Variants in FGD4 observed in about 807,000 individuals in gnomAD.
The protein encoded by FGD4 is FYVE, RhoGEF and PH domain-containing protein 4.
FGD4 carries 42 observed loss-of-function variants against 102.0 expected under a neutral mutation model. That is an observed-to-expected ratio of 0.41 (90% CI 0.32 to 0.53). The LOEUF is 0.53. Among genes scored for constraint, FGD4 ranks in the 20% least tolerant of loss-of-function variants. The pLI, the probability that FGD4 is intolerant of heterozygous loss-of-function variation, is 0.21. For missense variants in FGD4, 902 were observed against 1,078.2 expected (o/e 0.84, Z 2.29); for synonymous variants, 380 against 375.7 (o/e 1.01, Z -0.13).
At chr12:32,408,062 C>T (rs1282307384) in intron 1 of FGD4, among the ~76,000 whole-genome samples, 2 of 151,706 alleles carry the variant, frequency 1.3e-5, no homozygotes, top group African/African-American at 4.8e-5. Context: ...TGCGATGGTG[C>T]CATCTTGGCT....
intron 11 of FGD4, among the ~76,000 whole-genome samples, chr12:32,620,998 C>T (rs547989733): frequency 4.6e-5 from 7 of 151,958 alleles, no homozygotes; most frequent in South Asian, 2.1e-4. Context: ...TCCATGAGAA[C>T]GACTGCAGTT....
intron 4 of FGD4, among the ~76,000 whole-genome samples, chr12:32,585,222 T>TTATATATATATATATATATATATA (rs140227421): frequency 5.3e-4 from 61 of 116,104 alleles, no homozygotes; most frequent in Admixed American, 8.8e-4. Context: ...CTCAAAAATT[T>TTATATATATATATATATATATATA]TATATATATA....
intron 1 of FGD4, among the ~76,000 whole-genome samples, chr12:32,541,443 T>G (rs1278000631): frequency 6.6e-6 from 1 of 152,200 alleles, no homozygotes; most frequent in Non-Finnish European, 1.5e-5. Flanking sequence ...CTCGGCTCAC[T>G]GCAACCTCTG....
At chr12:32,630,764 C>T (rs990764882) in intron 14 of FGD4, among the ~76,000 whole-genome samples, 33 of 150,694 alleles carry the variant, frequency 2.2e-4, no homozygotes, top group Admixed American at 8.6e-4. Context: ...TGCAGTGAGC[C>T]GAGATCGCGC....
At chr12:32,541,963 A>G (rs951663889) in intron 1 of FGD4, among the ~76,000 whole-genome samples, 25 of 72,348 alleles carry the variant, frequency 3.5e-4, no homozygotes, top group African/African-American at 1.6e-3. Context: ...TTCCTCAGGG[A>G]AAAAAAAAAA....
chr12:32,576,298 C>T lies in FGD4; in HGVS notation c.352C>T (p.Pro118Ser), dbSNP rs755380148. The T allele has an allele frequency of 5.0e-6, 8 of 1,610,654 alleles. No homozygotes were observed. Among genetic ancestry groups the T allele is most frequent in the Non-Finnish European group, 5.9e-6 (7 of 1,178,144 alleles). Residue 118 changes from proline to serine, a missense_variant, in exon 3 of 17, where the codon CCT becomes TCT. Pro to Ser is a moderately conservative substitution (Grantham distance 74, BLOSUM62 -1). This residue lies in a region of FGD4 where 443 missense variants were observed against 459.2 expected (regional missense o/e 0.96). Transcript: ENST00000534526. ...PPKPLHLQNS[P>S]SSNIHQTPRH... The stretch of plus-strand genomic sequence containing the variant: ...AAAGCCATTACACCTGCAGAATTCA[C>T]CTTCGTCCAATATACACCAAACCCC...
chr12:32,530,946 T>TG (rs1941739432), intron 1 of FGD4, among the ~76,000 whole-genome samples: 9 of 121,584 alleles, frequency 7.4e-5, no homozygotes, highest in African/African-American at 2.4e-4. Flanking sequence ...CTTTGGTTTT[T>TG]TTTTTTTTTT....
chr12:32,442,013 G>C (rs1591908483), intron 1 of FGD4, among the ~76,000 whole-genome samples: 2 of 151,726 alleles, frequency 1.3e-5, no homozygotes, highest in Non-Finnish European at 2.9e-5. Context: ...TGGGGGAAGG[G>C]TGGTGCTGGC....
intron 1 of FGD4, among the ~76,000 whole-genome samples, chr12:32,498,350 T>G (rs1937950952): frequency 6.6e-6 from 1 of 152,174 alleles, no homozygotes; most frequent in South Asian, 2.1e-4. Flanking sequence ...GGCATATTTT[T>G]GCAAAGTCGA....
intron 1 of FGD4, among the ~76,000 whole-genome samples, chr12:32,412,695 G>A (rs1178389552): frequency 2.6e-5 from 4 of 151,844 alleles, no homozygotes; most frequent in South Asian, 2.1e-4. Flanking sequence ...TGCAACCTCC[G>A]CCTCCTGGGT....
In FGD4 at chr12:32,642,986, C is replaced by G. The variant is rs1348983396; in HGVS notation, c.*2453C>G. The G allele has an allele frequency of 6.6e-6, 1 of 152,472 alleles. No individual in the cohort carries two copies. The highest frequency in any genetic ancestry group is 6.6e-5 in the Admixed American group (1 of 15,264). The allele number at this position is 152,472 out of a possible 1,614,324, so 9.4% of individuals were successfully genotyped here. A position where few individuals can be genotyped will look rare whatever the true frequency, so the allele number is the denominator to read the frequency against. ...CCTAAAAATATCATTGGTTGCTTTC[C>G]CATTAAAACCAACGTTCCCTGTGGG... On this transcript the variant is annotated 3_prime_UTR_variant, in exon 17 of 17. Transcript: ENST00000534526.
intron 1 of FGD4, among the ~76,000 whole-genome samples, chr12:32,561,075 GTTTTTTTTTTTT>G (rs1218919677): frequency 8.2e-5 from 7 of 85,182 alleles, no homozygotes; most frequent in Admixed American, 5.3e-4. Flanking sequence ...GTTGGGTTTT[GTTTTTTTTTTTT>G]TTTTTTTTTT....
At chr12:32,417,918 C>CT (rs1376391101) in intron 1 of FGD4, among the ~76,000 whole-genome samples, 2 of 99,796 alleles carry the variant, frequency 2.0e-5, no homozygotes, top group Non-Finnish European at 3.8e-5. Flanking sequence ...TCACATATCT[C>CT]TGTTTTTTTC....
At chr12:32,467,116 A>G (rs549502709) in intron 1 of FGD4, among the ~76,000 whole-genome samples, 2 of 152,314 alleles carry the variant, frequency 1.3e-5, no homozygotes, top group East Asian at 3.9e-4. Context: ...ATTGTGAAAC[A>G]GTTACAAATG....
At chr12:32,446,645 A>G (rs1942624414) in intron 1 of FGD4, among the ~76,000 whole-genome samples, 1 of 152,168 alleles carries the variant, frequency 6.6e-6, no homozygotes, top group South Asian at 2.1e-4. Context: ...AACAGGAAAC[A>G]AACTTCCTGC....
chr12:32,459,377 A>G (rs958019365), intron 1 of FGD4, among the ~76,000 whole-genome samples: 10 of 152,040 alleles, frequency 6.6e-5, no homozygotes, highest in South Asian at 6.2e-4. Context: ...TATTTTTAGT[A>G]GAGATGGGGT....
At position 32,603,937 on chromosome 12, in the gene FGD4, C is replaced by T. The variant is rs184430546; in HGVS notation, c.1404+1620C>T. 1.1e-4 allele frequency among the ~76,000 whole-genome samples: 17 copies of T among 152,300 alleles called. No homozygotes were observed. In the East Asian group the frequency reaches 2.7e-3, roughly 24 times the overall value. ...CAGGCTGGTCTTGAACACCTAGACT[C>T]AGCCTCCCAGAGTGCTGGGATTACA... is the stretch of plus-strand genomic sequence containing the variant. On this transcript the variant is annotated intron_variant, in intron 7 of 16. Transcript: ENST00000534526.
In FGD4 at chr12:32,644,707, T is replaced by C. The variant is rs965021318; in HGVS notation, c.*4174T>C. 1 of 152,116 alleles carries C rather than the reference T, an allele frequency of 6.6e-6. No homozygotes were observed. Among genetic ancestry groups the C allele is most frequent in the African/African-American group, 2.4e-5 (1 of 41,422 alleles). 9.4% of individuals were successfully genotyped at this position (152,116 alleles called of 1,614,324 possible). On this transcript the variant is annotated 3_prime_UTR_variant, in exon 17 of 17. Coordinates refer to ENST00000534526, the MANE Select transcript of FGD4 (RefSeq NM_001370298.3). Reference sequence around the variant, plus strand: ...CAATGTGTTTTAAGATAAGATGAAATATTTTAACTGCAGAAGGGATATAAA... The same window carrying C: ...CAATGTGTTTTAAGATAAGATGAAACATTTTAACTGCAGAAGGGATATAAA...
intron 5 of FGD4, 99 bp downstream of exon 5, chr12:32,598,685 T>G: frequency 1.0e-6 from 1 of 1,000,398 alleles, no homozygotes; most frequent in Non-Finnish European, 1.6e-6. Context: ...AGGAAGGGCC[T>G]GTTTTTGGCT....
Sources: allele counts gnomAD v4.1 joint callset (sites outside exome capture counted in the v4.1 genomes callset), GRCh38; gene constraint gnomAD v4.1.1; regional missense constraint gnomAD v4.1.1; transcripts MANE v1.5; gene names NCBI Gene and HGNC (gene_info 2026-07-23, HGNC 2026-07-21).